The following ZNF516 variants were observed in gnomAD, a reference collection of about 807,000 sequenced individuals.
The protein encoded by ZNF516 is zinc finger protein 516.
ZNF516 carries 19 observed loss-of-function variants against 79.7 expected under a neutral mutation model. The observed-to-expected ratio is 0.24, with a 90% CI of 0.17 to 0.35. The LOEUF is 0.35. Among genes scored for constraint, ZNF516 ranks in the 10% least tolerant of loss-of-function variants. The pLI is 1.00. For missense variants in ZNF516, 1,678 were observed against 1,679.5 expected, an observed-to-expected ratio of 1.00 and a Z score of 0.02; for synonymous variants, 877 against 739.5, an observed-to-expected ratio of 1.19 and a Z score of -3.02.
In ZNF516 at chr18:76,480,524, C is replaced by CACAT. The variant is rs1267997459; in HGVS notation, c.-272+14619_-272+14620insATGT. Among the ~76,000 whole-genome samples the CACAT allele has an allele frequency of 5.1e-3, 594 of 116,442 alleles. 4 individuals are homozygous for CACAT. Among genetic ancestry groups the CACAT allele is most frequent in the Middle Eastern group, 0.026 (6 of 232 alleles). 76.4% of individuals were successfully genotyped at this position (116,442 alleles called of 152,430 possible). ...ACACACACACACACACACACACACA[C>CACAT]ATATATTTTTTTTTTTGAGACGGAG... On this transcript the variant is annotated intron_variant, in intron 1 of 6. Coordinates refer to ENST00000443185, the MANE Select transcript of ZNF516 (RefSeq NM_014643.4).
intron 3 of ZNF516, among the ~76,000 whole-genome samples, chr18:76,406,474 G>A (rs1387289254): frequency 6.6e-6 from 1 of 152,352 alleles, no homozygotes; most frequent in South Asian, 2.1e-4. Context: ...TGAGGCAGGA[G>A]AATCGCTTGA....
Position 76,442,397 on chromosome 18 carries a change from C to G in ZNF516, c.658G>C (p.Glu220Gln). The change falls in exon 3 of 7, where the codon GAG becomes CAG. Residue 220 changes from glutamate (E) to glutamine (Q), a missense_variant. Physicochemically the swap from Glu to Gln is conservative, Grantham distance 29 (BLOSUM62 2). This residue lies in a region of ZNF516 where 279 missense variants were observed against 254.1 expected (regional missense o/e 1.10). Transcript: ENST00000443185. ...CCCTGCGCGGTGATGTGGTCCCTCT[C>G]GATGTGGCTCAGCAGCGACTCCTCC... ...LREESLLSHI[E>Q]RDHITAQGPG... 4 of 1,608,264 alleles carry G rather than the reference C, an allele frequency of 2.5e-6. No homozygotes were observed. Among genetic ancestry groups the G allele is most frequent in the Non-Finnish European group, 8.5e-7 (1 of 1,179,642 alleles).
intron 4 of ZNF516, among the ~76,000 whole-genome samples, chr18:76,374,564 T>C (rs965090026): frequency 4.6e-5 from 7 of 152,196 alleles, no homozygotes; most frequent in African/African-American, 1.7e-4. Context: ...AACTTCTGAA[T>C]AAAACCTGTC....
chr18:76,410,049 T>TGAA (rs1464543042), intron 3 of ZNF516, among the ~76,000 whole-genome samples: 1 of 152,192 alleles, frequency 6.6e-6, no homozygotes, highest in Non-Finnish European at 1.5e-5. Context: ...TTGCTCTTCC[T>TGAA]TCATCTTCCA....
chr18:76,401,382 G>C (rs542467540), intron 3 of ZNF516, among the ~76,000 whole-genome samples: 1 of 152,012 alleles, frequency 6.6e-6, no homozygotes, highest in Admixed American at 6.5e-5. Context: ...TCTATTTTGA[G>C]AAGGAGTTAC....
In ZNF516 at chr18:76,443,101, G is replaced by A. The variant is rs558679024; in HGVS notation, c.-47C>T. 1.6e-5 allele frequency: 24 copies of A among 1,529,594 alleles called. No individual in the cohort carries two copies. In the African/African-American group the frequency reaches 1.8e-4, roughly 11 times the overall value. The allele number at this position is 1,529,594 out of a possible 1,614,324, so 94.8% of individuals were successfully genotyped here. A position where few individuals can be genotyped will look rare whatever the true frequency, so the allele number is the denominator to read the frequency against. On this transcript the variant is annotated 5_prime_UTR_variant, in exon 3 of 7. Transcript: ENST00000443185. ...TGGTGGCGGCACAGCTTTCTGTCGC[G>A]CGGGCTGCAGGGACCGTCCTATCTC...
intron 3 of ZNF516, among the ~76,000 whole-genome samples, chr18:76,403,102 C>T (rs959759609): frequency 2.6e-5 from 4 of 152,232 alleles, no homozygotes; most frequent in African/African-American, 4.8e-5. Flanking sequence ...TCATCAATGG[C>T]TATGACTATT....
rs370543169 is a variant in ZNF516 at position 76,379,939 on chromosome 18, C to T, written c.2175G>A (p.Ala725=). 7.6e-5 allele frequency: 122 copies of T among 1,613,854 alleles called. No individual in the cohort carries two copies. Among genetic ancestry groups the T allele is most frequent in the Non-Finnish European group, 9.7e-5 (114 of 1,179,904 alleles). ...CTAGCGGCATGAGGTCTGGGGCCAG[C>T]GCCCGCTTCCCTCCCCCAGAGTGTT... ...NKEHSGGGKR[A]LAPDLMPLDL... The change falls in exon 4 of 7, where the codon GCG becomes GCA. Residue 725 remains alanine (A), a synonymous_variant. Coordinates refer to ENST00000443185, the MANE Select transcript of ZNF516 (RefSeq NM_014643.4).
chr18:76,453,511 G>C (rs1912543683), intron 2 of ZNF516, among the ~76,000 whole-genome samples: 1 of 152,168 alleles, frequency 6.6e-6, no homozygotes, highest in South Asian at 2.1e-4. Context: ...GCATAACTCA[G>C]AAACACTGAA....
intron 3 of ZNF516, among the ~76,000 whole-genome samples, chr18:76,433,948 C>T (rs1042089591): frequency 5.3e-5 from 8 of 152,180 alleles, no homozygotes; most frequent in African/African-American, 1.9e-4. Context: ...CCTCTCCTGG[C>T]CGGGAAACCC....
intron 1 of ZNF516, among the ~76,000 whole-genome samples, chr18:76,465,380 A>C (rs903817252): frequency 2.0e-5 from 3 of 152,196 alleles, no homozygotes; most frequent in African/African-American, 7.2e-5. Context: ...CTAGTCAAGG[A>C]AACTCAAAGG....
intron 1 of ZNF516, among the ~76,000 whole-genome samples, chr18:76,486,876 G>A (rs1456416118): frequency 6.6e-6 from 1 of 152,054 alleles, no homozygotes; most frequent in Non-Finnish European, 1.5e-5. Flanking sequence ...AAGGTTCGGG[G>A]GGAAGGTACA....
chr18:76,441,392 G>T lies in ZNF516; in HGVS notation c.1663C>A (p.Arg555Ser), dbSNP rs762206848. 2.2e-5 allele frequency: 35 copies of T among 1,609,578 alleles called. No homozygotes were observed. The highest frequency in any genetic ancestry group is 2.9e-5 in the Non-Finnish European group (34 of 1,178,724). Residue 555 changes from arginine to serine, a missense_variant, in exon 3 of 7, where the codon CGC becomes AGC. By Grantham distance (110) the Arg-to-Ser change is moderately radical. This residue lies in a region of ZNF516 where 1,294 missense variants were observed against 1,248.3 expected (regional missense o/e 1.04). Transcript: ENST00000443185. The stretch of plus-strand genomic sequence containing the variant: ...TCACCCTCACTGAGTGATCCGCAGC[G>T]GGCCCGCGCCGCCCTGTCCCCGTCA... ...DSDGDRAARARCGSLSEGDSA... is the reference protein window; with the variant it reads ...DSDGDRAARASCGSLSEGDSA...
At chr18:76,407,698 C>T (rs185593208) in intron 3 of ZNF516, among the ~76,000 whole-genome samples, 24 of 152,342 alleles carry the variant, frequency 1.6e-4, no homozygotes, top group African/African-American at 5.3e-4. Flanking sequence ...ATACCCAACA[C>T]GACATGCAGT....
intron 3 of ZNF516, among the ~76,000 whole-genome samples, chr18:76,404,589 G>C (rs533126085): frequency 6.6e-6 from 1 of 152,208 alleles, no homozygotes. Context: ...TAATGAGTAA[G>C]CATGTGTGCA....
At chr18:76,366,627 C>T (rs921017490) in intron 6 of ZNF516, among the ~76,000 whole-genome samples, 9 of 152,316 alleles carry the variant, frequency 5.9e-5, no homozygotes, top group Non-Finnish European at 8.8e-5. Flanking sequence ...TCTGTCTACA[C>T]GGGCGTAAGT....
intron 6 of ZNF516, among the ~76,000 whole-genome samples, chr18:76,363,459 C>G (rs918307328): frequency 4.6e-5 from 7 of 152,178 alleles, no homozygotes; most frequent in Admixed American, 3.9e-4. Context: ...TTCCAGAAAA[C>G]TCCTACTTAC....
At chr18:76,416,816 G>A (rs1297020410) in intron 3 of ZNF516, among the ~76,000 whole-genome samples, 3 of 151,982 alleles carry the variant, frequency 2.0e-5, no homozygotes, top group African/African-American at 7.3e-5. Flanking sequence ...CTTCCTCATT[G>A]ATTTTAGATA....
intron 1 of ZNF516, among the ~76,000 whole-genome samples, chr18:76,463,452 A>G (rs1038147166): frequency 2.4e-4 from 37 of 152,376 alleles, no homozygotes; most frequent in African/African-American, 8.7e-4. Context: ...ATCTGCATTT[A>G]GTTGTCAATC....
Sources: allele counts gnomAD v4.1 joint callset (sites outside exome capture counted in the v4.1 genomes callset), GRCh38; gene constraint gnomAD v4.1.1; regional missense constraint gnomAD v4.1.1; transcripts MANE v1.5; gene names NCBI Gene and HGNC (gene_info 2026-07-23, HGNC 2026-07-21).